Variants in HECW1 observed in about 807,000 individuals in gnomAD.
The protein encoded by HECW1 is HECT, C2 and WW domain containing E3 ubiquitin protein ligase 1, also known as E3 ubiquitin-protein ligase HECW1.
A neutral mutation model predicts 182.3 loss-of-function variants in HECW1; 61 were observed. The observed-to-expected ratio is 0.33, with a 90% CI of 0.27 to 0.41. HECW1 has a LOEUF of 0.41. Ranked by LOEUF, HECW1 falls within the 10% of genes least tolerant of loss-of-function variation. HECW1 has a pLI of 1.00. For synonymous variants in HECW1, 859 were observed against 832.6 expected (o/e 1.03, Z -0.55); for missense variants, 1,739 against 2,108.9 (o/e 0.82, Z 3.44).
intron 8 of HECW1, among the ~76,000 whole-genome samples, chr7:43,420,620 A>G (rs1361460426): frequency 6.6e-6 from 1 of 152,254 alleles, no homozygotes; most frequent in East Asian, 1.9e-4. Context: ...TTAGCAAAGT[A>G]ACTGAATAAA....
chr7:43,139,324 A>G (rs1405556654), intron 2 of HECW1, among the ~76,000 whole-genome samples: 1 of 152,206 alleles, frequency 6.6e-6, no homozygotes, highest in Non-Finnish European at 1.5e-5. Context: ...TCAGAGTAAA[A>G]TGGAAGTTTT....
chr7:43,445,645 A>G (rs2077031478), intron 11 of HECW1, 75 bp downstream of exon 11: 4 of 1,455,804 alleles, frequency 2.7e-6, no homozygotes, highest in Non-Finnish European at 3.6e-6. Context: ...GTTTAAAAAC[A>G]AGAAGGGCGG....
chr7:43,349,776 ATAGT>A (rs1363709772), intron 5 of HECW1, among the ~76,000 whole-genome samples: 4 of 152,116 alleles, frequency 2.6e-5, no homozygotes, highest in Admixed American at 1.3e-4. Context: ...AAGGCAGCAG[ATAGT>A]TGGTTGGTGA....
At chr7:43,393,701 C>T (rs2075126447) in intron 6 of HECW1, among the ~76,000 whole-genome samples, 1 of 150,688 alleles carries the variant, frequency 6.6e-6, no homozygotes, top group Non-Finnish European at 1.5e-5. Flanking sequence ...ATCTACAGAC[C>T]TGTTTTTGAT....
At chr7:43,430,779 T>TTTATTATTATTATTA (rs150459406) in intron 8 of HECW1, among the ~76,000 whole-genome samples, 5,161 of 141,700 alleles carry the variant, frequency 0.036, 298 homozygotes, top group African/African-American at 0.12. Context: ...TTTATTTTTC[T>TTTATTATTATTATTA]TTATTATTAT....
At chr7:43,303,675 A>T (rs1807156352) in intron 3 of HECW1, among the ~76,000 whole-genome samples, 1 of 152,206 alleles carries the variant, frequency 6.6e-6, no homozygotes, top group Admixed American at 6.5e-5. Flanking sequence ...CACAATGGCC[A>T]GCACAAAAGA....
chr7:43,224,943 C>G (rs1307860203), intron 2 of HECW1, among the ~76,000 whole-genome samples: 1 of 152,160 alleles, frequency 6.6e-6, no homozygotes, highest in Non-Finnish European at 1.5e-5. Context: ...ATAAGGCCAG[C>G]TTTTCAGGCT....
intron 2 of HECW1, among the ~76,000 whole-genome samples, chr7:43,197,728 G>T (rs934402093): frequency 6.6e-6 from 1 of 152,078 alleles, no homozygotes; most frequent in African/African-American, 2.4e-5. Flanking sequence ...GCAGGTGGGG[G>T]ACTCTGACGA....
At chr7:43,470,399 C>A (rs1229489014) in intron 16 of HECW1, among the ~76,000 whole-genome samples, 1 of 152,088 alleles carries the variant, frequency 6.6e-6, no homozygotes, top group Non-Finnish European at 1.5e-5. Context: ...GTTTGCCGAG[C>A]CTTGGATTTC....
At chr7:43,341,014 T>G (rs11765609) in intron 5 of HECW1, among the ~76,000 whole-genome samples, 2 of 151,150 alleles carry the variant, frequency 1.3e-5, no homozygotes, top group Non-Finnish European at 2.9e-5. Context: ...TTGCAGGGAC[T>G]TGGATGAAGC....
intron 6 of HECW1, among the ~76,000 whole-genome samples, chr7:43,361,663 A>T (rs931280556): frequency 6.6e-6 from 1 of 152,074 alleles, no homozygotes; most frequent in Admixed American, 6.6e-5. Context: ...AGTGCTTCTC[A>T]CTTAGTTCTT....
intron 2 of HECW1, among the ~76,000 whole-genome samples, chr7:43,231,014 T>G (rs1797834654): frequency 6.6e-6 from 1 of 152,252 alleles, no homozygotes; most frequent in Non-Finnish European, 1.5e-5. Flanking sequence ...GTCTGTTCTG[T>G]AGGGAATAGA....
intron 5 of HECW1, among the ~76,000 whole-genome samples, chr7:43,326,969 G>A (rs1810872353): frequency 6.6e-6 from 1 of 152,244 alleles, no homozygotes; most frequent in African/African-American, 2.4e-5. Flanking sequence ...GATGGTTAAG[G>A]TGACATGTTG....
At chr7:43,392,800 C>T (rs919564492) in intron 6 of HECW1, among the ~76,000 whole-genome samples, 2 of 152,118 alleles carry the variant, frequency 1.3e-5, no homozygotes, top group African/African-American at 4.8e-5. Context: ...GACTAAAGGC[C>T]GAGGGAGCCC....
At chr7:43,232,317 C>G (rs1284878658) in intron 2 of HECW1, among the ~76,000 whole-genome samples, 2 of 152,176 alleles carry the variant, frequency 1.3e-5, no homozygotes, top group African/African-American at 4.8e-5. Context: ...TAGGGAAAAG[C>G]CAAGTGCTGG....
chr7:43,437,001 G>A (rs1015068220), intron 8 of HECW1, among the ~76,000 whole-genome samples: 1 of 152,104 alleles, frequency 6.6e-6, no homozygotes, highest in Non-Finnish European at 1.5e-5. Flanking sequence ...GAGCAGGTGG[G>A]ATTACAGATG....
intron 3 of HECW1, among the ~76,000 whole-genome samples, chr7:43,268,148 G>A (rs766452667): frequency 1.3e-5 from 2 of 152,196 alleles, no homozygotes; most frequent in African/African-American, 2.4e-5. Flanking sequence ...GACTCTACTA[G>A]GCATCCTGTG....
At chr7:43,449,182 A>G (rs1052933831) in intron 11 of HECW1, among the ~76,000 whole-genome samples, 1 of 152,226 alleles carries the variant, frequency 6.6e-6, no homozygotes, top group Admixed American at 6.5e-5. Context: ...TGACATAACA[A>G]CTATACCATG....
intron 19 of HECW1, among the ~76,000 whole-genome samples, chr7:43,499,482 AG>A (rs1162661889): frequency 6.6e-6 from 1 of 151,228 alleles, no homozygotes; most frequent in Non-Finnish European, 1.5e-5. Context: ...AAAAAAAGAA[AG>A]AAAGAAAGAA....
Sources: allele counts gnomAD v4.1 joint callset (sites outside exome capture counted in the v4.1 genomes callset), GRCh38; gene constraint gnomAD v4.1.1; transcripts MANE v1.5; gene names NCBI Gene and HGNC (gene_info 2026-07-23, HGNC 2026-07-21).